Variants in ASB18 observed in about 807,000 individuals in gnomAD.
ASB18 encodes ankyrin repeat and SOCS box protein 18.
ASB18 carries 33 observed loss-of-function variants against 33.4 expected under a neutral mutation model. That is an observed-to-expected ratio of 0.99 (90% CI 0.75 to 1.32). The LOEUF (loss-of-function observed/expected upper bound fraction) is 1.32, where lower values mean the gene tolerates loss of function less well. Ranked by LOEUF, ASB18 falls within the 40% of genes most tolerant of loss-of-function variation. The pLI, the probability that ASB18 is intolerant of heterozygous loss-of-function variation, is 0.00. For synonymous variants in ASB18, 295 were observed against 307.6 expected (o/e 0.96, Z 0.43); for missense variants, 694 against 655.5 (o/e 1.06, Z -0.64).
Position 236,195,121 on chromosome 2 carries a change from A to G in ASB18, c.1216-64T>C. On this transcript the variant is annotated intron_variant, in intron 5 of 5. Coordinates refer to ENST00000409749, the MANE Select transcript of ASB18 (RefSeq NM_212556.4). This position sits in a 1 kb window ranked among gnomAD's most constrained non-coding sequence, Gnocchi z 5.5. ...TGGAACCAACATACGTTTTCTTCTT[A>G]GCCAGACCACTGATGGTACAAGCGG... The G allele has an allele frequency of 6.8e-7, 1 of 1,464,154 alleles. No individual in the cohort carries two copies. Among genetic ancestry groups the G allele is most frequent in the South Asian group, 1.3e-5 (1 of 76,488 alleles). The allele number at this position is 1,464,154 out of a possible 1,614,324, so 90.7% of individuals were successfully genotyped here.
chr2:236,209,039 G>C lies in ASB18; in HGVS notation c.1101+5323C>G, dbSNP rs542968388. On this transcript the variant is annotated intron_variant, in intron 4 of 5. Transcript: ENST00000409749. This position sits in a 1 kb window ranked among gnomAD's most constrained non-coding sequence, Gnocchi z 4.4. ...ATCTCCCCTCTCTCCTCCCACTGGG[G>C]ACTGGGTGCACGCAACTCTGTGAAG... 1.6e-4 allele frequency among the ~76,000 whole-genome samples: 25 copies of C among 152,238 alleles called. No homozygotes were observed. The East Asian group carries it at 4.8e-3, about 29-fold the overall frequency.
Position 236,204,617 on chromosome 2 carries a change from C to T in ASB18, c.1102-8232G>A, listed in dbSNP as rs1336172054. The stretch of plus-strand genomic sequence containing the variant: ...CCAGCTGCTTACATTGTAGCTACAC[C>T]TGGCTGTATCCCACACTCAACATAC... On this transcript the variant is annotated intron_variant, in intron 4 of 5. Transcript: ENST00000409749. This position sits in a 1 kb window ranked among gnomAD's most constrained non-coding sequence, Gnocchi z 5.1. Among the ~76,000 whole-genome samples, 1 of 152,230 alleles carries T rather than the reference C, an allele frequency of 6.6e-6. No homozygotes were observed. Among genetic ancestry groups the T allele is most frequent in the Non-Finnish European group, 1.5e-5 (1 of 68,042 alleles).
At position 236,225,619 on chromosome 2, in the gene ASB18, T is replaced by C. The variant is rs1018636203; in HGVS notation, c.597-10753A>G. ...ATAAAAAGGGTCAAGGAGAGGAATC[T>C]GATAACAAATAGGGCGAGGCTGGCA... On this transcript the variant is annotated intron_variant, in intron 3 of 5. Transcript: ENST00000409749. This position sits in a 1 kb window ranked among gnomAD's most constrained non-coding sequence, Gnocchi z 5.1. Among the ~76,000 whole-genome samples, 2 of 152,196 alleles carry C rather than the reference T, an allele frequency of 1.3e-5. No homozygotes were observed. Among genetic ancestry groups the C allele is most frequent in the Admixed American group, 6.5e-5 (1 of 15,280 alleles).
rs942888785 is a variant in ASB18 at position 236,211,568 on chromosome 2, C to T, written c.1101+2794G>A. Among the ~76,000 whole-genome samples, 1 of 152,216 alleles carries T rather than the reference C, an allele frequency of 6.6e-6. No individual in the cohort carries two copies. Among genetic ancestry groups the T allele is most frequent in the Non-Finnish European group, 1.5e-5 (1 of 68,038 alleles). ...CGGCTGCTGCCCACGGACGGCTTGC[C>T]CTGTGACAGTGCTGGTGACTCTACG... On this transcript the variant is annotated intron_variant, in intron 4 of 5. Coordinates refer to ENST00000409749, the MANE Select transcript of ASB18 (RefSeq NM_212556.4). The surrounding 1 kb of genome is among the most constrained non-coding windows in gnomAD (Gnocchi z 5.0).
Position 236,216,377 on chromosome 2 carries a change from C to A in ASB18, c.597-1511G>T, listed in dbSNP as rs534848301. ...CCCTCACCTGCCTGCCTTCTGCAAA[C>A]ACATCTGTTTCAACACTGATTAGAA... On this transcript the variant is annotated intron_variant, in intron 3 of 5. Coordinates refer to ENST00000409749, the MANE Select transcript of ASB18 (RefSeq NM_212556.4). The surrounding 1 kb of genome is among the most constrained non-coding windows in gnomAD (Gnocchi z 6.1). Among the ~76,000 whole-genome samples, 1 of 152,350 alleles carries A rather than the reference C, an allele frequency of 6.6e-6. No homozygotes were observed. Among genetic ancestry groups the A allele is most frequent in the East Asian group, 1.9e-4 (1 of 5,186 alleles).
At chr2:236,254,424 C>T (rs72976650) in intron 1 of ASB18, among the ~76,000 whole-genome samples, 1 of 152,008 alleles carries the variant, frequency 6.6e-6, no homozygotes, top group Non-Finnish European at 1.5e-5. Flanking sequence ...CAGCTGACTC[C>T]CTTCTATCAA....
chr2:236,241,311 CT>C lies in ASB18; in HGVS notation c.296del (p.Gln99ArgfsTer2), dbSNP rs575820202. 600 of 1,613,768 alleles carry C rather than the reference CT, an allele frequency of 3.7e-4. 1 individual carries two copies. In the African/African-American group the frequency reaches 6.9e-3, roughly 18 times the overall value. On this transcript the variant is annotated frameshift_variant, in exon 2 of 6. Transcript: ENST00000409749. LOFTEE classifies it high-confidence loss of function. This position sits in a 1 kb window ranked among gnomAD's most constrained non-coding sequence, Gnocchi z 4.2. ...FEINKDEMEW[Q>X]VKSPATFGLS... ...GTCCAAACGTGGCTGGAGATTTCAC[CT>C]GCCATTCCATCTCATCCTTATTGAT...
Position 236,231,546 on chromosome 2 carries a change from A to C in ASB18, c.596+6143T>G, listed in dbSNP as rs1008318337. 2.0e-5 allele frequency among the ~76,000 whole-genome samples: 3 copies of C among 152,186 alleles called. No individual in the cohort carries two copies. Among genetic ancestry groups the C allele is most frequent in the African/African-American group, 7.2e-5 (3 of 41,446 alleles). On this transcript the variant is annotated intron_variant, in intron 3 of 5. Coordinates refer to ENST00000409749, the MANE Select transcript of ASB18 (RefSeq NM_212556.4). This position sits in a 1 kb window ranked among gnomAD's most constrained non-coding sequence, Gnocchi z 5.5. ...AGAACATGCCCTCACCAGACAATGA[A>C]TCTGCTGGCAACTTGATCTTGGACT...
Position 236,205,915 on chromosome 2 carries a change from T to C in ASB18, c.1101+8447A>G, listed in dbSNP as rs946214192. Among the ~76,000 whole-genome samples, 2 of 152,252 alleles carry C rather than the reference T, an allele frequency of 1.3e-5. No individual in the cohort carries two copies. The highest frequency in any genetic ancestry group is 2.9e-5 in the Non-Finnish European group (2 of 68,036). On this transcript the variant is annotated intron_variant, in intron 4 of 5. Transcript: ENST00000409749. The surrounding 1 kb of genome is among the most constrained non-coding windows in gnomAD (Gnocchi z 5.4). ...ATTCCTTTATGAATAGCCTGTTTTC[T>C]GCTTAAATACTTTGCCAGATTTTTC...
rs1216757306 is a variant in ASB18 at position 236,252,922 on chromosome 2, G to A, written c.205+11219C>T. On this transcript the variant is annotated intron_variant, in intron 1 of 5. Coordinates refer to ENST00000409749, the MANE Select transcript of ASB18 (RefSeq NM_212556.4). This position sits in a 1 kb window ranked among gnomAD's most constrained non-coding sequence, Gnocchi z 7.9. ...AAGAACACTCCTCCCAACGTGGCCA[G>A]ATCCAGTGATGGATCCAGGTGCAGC... is the stretch of plus-strand genomic sequence containing the variant. Among the ~76,000 whole-genome samples the A allele has an allele frequency of 1.3e-5, 2 of 152,244 alleles. No homozygotes were observed. Among genetic ancestry groups the A allele is most frequent in the Non-Finnish European group, 2.9e-5 (2 of 68,044 alleles).
At chr2:236,199,762 T>C (rs72617202) in intron 4 of ASB18, among the ~76,000 whole-genome samples, 26,075 of 151,800 alleles carry the variant, frequency 0.17, 2,259 homozygotes, top group South Asian at 0.25. Flanking sequence ...TATGTTAACT[T>C]AGTAAAACTA....
rs1013174173 is a variant in ASB18 at position 236,196,701 on chromosome 2, C to T, written c.1102-316G>A. ...GCTATGCTGGTGGCTTGGCAGGCCT[C>T]CTTGGCCCCCAGAGAGCTGCTCAGA... On this transcript the variant is annotated intron_variant, in intron 4 of 5. Transcript: ENST00000409749. This position sits in a 1 kb window ranked among gnomAD's most constrained non-coding sequence, Gnocchi z 5.6. Among the ~76,000 whole-genome samples the T allele has an allele frequency of 4.6e-5, 7 of 152,212 alleles. No individual in the cohort carries two copies. Among genetic ancestry groups the T allele is most frequent in the Non-Finnish European group, 1.0e-4 (7 of 68,032 alleles).
intron 3 of ASB18, among the ~76,000 whole-genome samples, chr2:236,224,916 C>T (rs945478050): frequency 1.3e-5 from 2 of 152,142 alleles, no homozygotes; most frequent in African/African-American, 4.8e-5. Flanking sequence ...AGACCATGTT[C>T]TTCTCTCTAC....
rs535796247 is a variant in ASB18 at position 236,215,657 on chromosome 2, A to C, written c.597-791T>G. 6.6e-6 allele frequency among the ~76,000 whole-genome samples: 1 copy of C among 152,080 alleles called. No homozygotes were observed. The highest frequency in any genetic ancestry group is 2.4e-5 in the African/African-American group (1 of 41,480). ...AGAGCCTCTCCCATCCCCTGGGGGC[A>C]CTCTAAACAGCTCAGCCTAGGCTCA... On this transcript the variant is annotated intron_variant, in intron 3 of 5. Transcript: ENST00000409749. This position sits in a 1 kb window ranked among gnomAD's most constrained non-coding sequence, Gnocchi z 7.2.
intron 1 of ASB18, among the ~76,000 whole-genome samples, chr2:236,261,543 G>A (rs1469838087): frequency 6.6e-6 from 1 of 152,192 alleles, no homozygotes; most frequent in Non-Finnish European, 1.5e-5. Context: ...AGGATCATGT[G>A]TTTAATCATT....
chr2:236,260,623 G>A lies in ASB18; in HGVS notation c.205+3518C>T, dbSNP rs1169728387. On this transcript the variant is annotated intron_variant, in intron 1 of 5. Transcript: ENST00000409749. The surrounding 1 kb of genome is among the most constrained non-coding windows in gnomAD (Gnocchi z 5.1). ...TGCGACAGTGAGTCTTTGGGATTAT[G>A]GCCTCAGAGAAGCATGGAGAAGGAG... Among the ~76,000 whole-genome samples the A allele has an allele frequency of 2.0e-5, 3 of 152,126 alleles. No homozygotes were observed. The highest frequency in any genetic ancestry group is 7.2e-5 in the African/African-American group (3 of 41,422).
Position 236,264,136 on chromosome 2 carries a change from G to A in ASB18, c.205+5C>T. 1 of 1,613,356 alleles carries A rather than the reference G, an allele frequency of 6.2e-7. No individual in the cohort carries two copies. The highest frequency in any genetic ancestry group is 8.5e-7 in the Non-Finnish European group (1 of 1,179,676). ...TCCCAGATGCAGCAGGCTCGTTCTG[G>A]TTACCTAGCAGCATGCCGGTGGGCA... On this transcript the variant is annotated splice_donor_5th_base_variant and intron_variant, in intron 1 of 5. Transcript: ENST00000409749. The surrounding 1 kb of genome is among the most constrained non-coding windows in gnomAD (Gnocchi z 5.1).
intron 4 of ASB18, among the ~76,000 whole-genome samples, chr2:236,199,326 C>A (rs952551648): frequency 6.6e-6 from 1 of 150,992 alleles, no homozygotes; most frequent in African/African-American, 2.4e-5. Context: ...GCAGGAGAAT[C>A]GCTTGAACCC....
rs1047438569 is a variant in ASB18, at chr2:236,217,975, A to G, written c.597-3109T>C. ...GCCACTGAGCCTGTGTGCACTTGCA[A>G]ACAATTACAAAACATTTTCTTCTTT... On this transcript the variant is annotated intron_variant, in intron 3 of 5. Coordinates refer to ENST00000409749, the MANE Select transcript of ASB18 (RefSeq NM_212556.4). The surrounding 1 kb of genome is among the most constrained non-coding windows in gnomAD (Gnocchi z 5.2). Among the ~76,000 whole-genome samples, 6 of 152,238 alleles carry G rather than the reference A, an allele frequency of 3.9e-5. No homozygotes were observed. The highest frequency in any genetic ancestry group is 1.4e-4 in the African/African-American group (6 of 41,462).
Sources: gnomAD v4.1 joint callset for allele counts (sites outside exome capture counted in the v4.1 genomes callset) on GRCh38, gnomAD v4.1.1 for gene constraint, Gnocchi (gnomAD v3.1) non-coding constraint, MANE v1.5 for transcripts, NCBI Gene and HGNC (gene_info 2026-07-23, HGNC 2026-07-21) for gene names.